CAMK4: variants seen among roughly 807,000 people sequenced by gnomAD.
The protein encoded by CAMK4 is calcium/calmodulin-dependent protein kinase type IV.
Under a neutral mutation model 44.9 loss-of-function variants are expected in CAMK4, and 22 were observed. The ratio of observed to expected loss-of-function variants is 0.49; its 90% CI spans 0.35 to 0.70. CAMK4 has a LOEUF of 0.70. Among genes scored for constraint, CAMK4 ranks in the 30% least tolerant of loss-of-function variants. The probability of loss-of-function intolerance (pLI) is 0.01; values close to 1 mark genes in which losing one functional copy is unlikely to be tolerated. For synonymous variants in CAMK4, 218 were observed against 215.4 expected, an observed-to-expected ratio of 1.01 and a Z score of -0.11; for missense variants, 498 against 586.8, an observed-to-expected ratio of 0.85 and a Z score of 1.56.
At chr5:111,247,843 AAAATTTACACATAAAACTAT>A (rs1236420206) in intron 1 of CAMK4, among the ~76,000 whole-genome samples, 17 of 152,212 alleles carry the variant, frequency 1.1e-4, no homozygotes, top group Admixed American at 1.0e-3. Flanking sequence ...ATAGTTTAGA[AAAATTTACACATAAAACTAT>A]CACAGATGTT....
intron 2 of CAMK4, among the ~76,000 whole-genome samples, chr5:111,344,651 G>A (rs1418000587): frequency 6.6e-6 from 1 of 151,706 alleles, no homozygotes; most frequent in African/African-American, 2.4e-5. Context: ...GACTGAACCT[G>A]CTCATCTAGA....
At chr5:111,258,346 A>T (rs1035660384) in intron 1 of CAMK4, among the ~76,000 whole-genome samples, 3 of 152,188 alleles carry the variant, frequency 2.0e-5, no homozygotes, top group African/African-American at 7.2e-5. Flanking sequence ...GCTGACTAAC[A>T]TACCTATTTG....
Position 111,443,849 on chromosome 5 carries a change from C to G in CAMK4, c.460-2837C>G, listed in dbSNP as rs116307280. ...GGAAAAATCAATATGTTCCGTTAGT[C>G]CCAAACTATGCAATTCTTAGATATG... On this transcript the variant is annotated intron_variant, in intron 5 of 10. Coordinates refer to ENST00000282356, the MANE Select transcript of CAMK4 (RefSeq NM_001744.6). Among the ~76,000 whole-genome samples, 1,101 of 152,234 alleles carry G rather than the reference C, an allele frequency of 7.2e-3. 8 individuals carry two copies. The highest frequency in any genetic ancestry group is 0.016 in the Admixed American group (249 of 15,290).
chr5:111,327,113 T>G (rs1748926727), intron 1 of CAMK4, among the ~76,000 whole-genome samples: 1 of 151,644 alleles, frequency 6.6e-6, no homozygotes, highest in African/African-American at 2.4e-5. Context: ...ACCCATTAAC[T>G]CGTCATTTAG....
Position 111,410,404 on chromosome 5 carries a change from C to T in CAMK4, c.459+15622C>T, listed in dbSNP as rs75944162. On this transcript the variant is annotated intron_variant, in intron 5 of 10. Transcript: ENST00000282356. ...ACTGCCCCCAAGATTCAATTATCTC[C>T]ACCTAGTCCCACCCCTGACACAAGG... 3.7e-3 allele frequency among the ~76,000 whole-genome samples: 561 copies of T among 152,228 alleles called. 2 individuals carry two copies. Among genetic ancestry groups the T allele is most frequent in the African/African-American group, 0.012 (497 of 41,532 alleles).
At chr5:111,470,608 G>A (rs1755030371) in intron 7 of CAMK4, among the ~76,000 whole-genome samples, 2 of 152,198 alleles carry the variant, frequency 1.3e-5, no homozygotes, top group Admixed American at 6.5e-5. Context: ...AGAACTGAGG[G>A]ATAACCATGT....
Position 111,374,831 on chromosome 5 carries a change from CTT to C in CAMK4, c.241-16_241-15del. On this transcript the variant is annotated splice_polypyrimidine_tract_variant and intron_variant, in intron 2 of 10. Transcript: ENST00000282356. The stretch of plus-strand genomic sequence containing the variant: ...GGGGGGAGTTTCTTTCAGTTTATCT[CTT>C]TTATTTTGCCTTTTAGGTGGACAAA... 1 of 1,553,344 alleles carries C rather than the reference CTT, an allele frequency of 6.4e-7. No individual in the cohort carries two copies. The highest frequency in any genetic ancestry group is 8.9e-7 in the Non-Finnish European group (1 of 1,125,710).
chr5:111,457,664 C>G (rs1235167465), intron 7 of CAMK4, among the ~76,000 whole-genome samples: 2 of 152,176 alleles, frequency 1.3e-5, no homozygotes, highest in African/African-American at 2.4e-5. Context: ...TACATTTTCT[C>G]TAACATGAAC....
At chr5:111,246,644 G>A (rs1749254040) in intron 1 of CAMK4, among the ~76,000 whole-genome samples, 1 of 152,092 alleles carries the variant, frequency 6.6e-6, no homozygotes, top group African/African-American at 2.4e-5. Flanking sequence ...TCATCATCCA[G>A]GACAGTAAGG....
At chr5:111,344,555 C>G (rs1251954305) in intron 2 of CAMK4, among the ~76,000 whole-genome samples, 1 of 151,772 alleles carries the variant, frequency 6.6e-6, no homozygotes, top group Middle Eastern at 3.2e-3. Flanking sequence ...TTAAAGGAGT[C>G]ATCAGATTCT....
chr5:111,328,242 T>C (rs530702388), intron 1 of CAMK4, among the ~76,000 whole-genome samples: 1 of 151,396 alleles, frequency 6.6e-6, no homozygotes, highest in Non-Finnish European at 1.5e-5. Context: ...TAGCCAGTTT[T>C]GCCAGCACCA....
chr5:111,429,776 T>C (rs1367772089), intron 5 of CAMK4, among the ~76,000 whole-genome samples: 1 of 4,708 alleles, frequency 2.1e-4, no homozygotes, highest in Non-Finnish European at 3.6e-4. Context: ...AGACCTCATC[T>C]CAAAAAAAAA....
At chr5:111,351,643 C>T (rs2112772158) in intron 2 of CAMK4, among the ~76,000 whole-genome samples, 1 of 151,420 alleles carries the variant, frequency 6.6e-6, no homozygotes, top group South Asian at 2.1e-4. Flanking sequence ...AACTCCTGAC[C>T]TCAGGTGATC....
At chr5:111,386,697 A>G (rs306110) in intron 4 of CAMK4, among the ~76,000 whole-genome samples, 140,888 of 152,336 alleles carry the variant, frequency 0.92, 65,291 homozygotes, top group East Asian at 1. Context: ...AAAACACACC[A>G]ACTGAGGAGA....
At chr5:111,483,356 T>A (rs573912125) in intron 10 of CAMK4, among the ~76,000 whole-genome samples, 67 of 152,230 alleles carry the variant, frequency 4.4e-4, no homozygotes, top group African/African-American at 1.4e-3. Context: ...TGACAAAAAT[T>A]TAAAAATTTA....
chr5:111,328,605 A>G (rs1464074567), intron 1 of CAMK4, among the ~76,000 whole-genome samples: 3 of 151,994 alleles, frequency 2.0e-5, no homozygotes, highest in African/African-American at 7.2e-5. Flanking sequence ...CTTGGGCAGT[A>G]TGGCCATTTT....
chr5:111,316,687 A>G (rs1748438266), intron 1 of CAMK4, among the ~76,000 whole-genome samples: 1 of 152,138 alleles, frequency 6.6e-6, no homozygotes, highest in Non-Finnish European at 1.5e-5. Context: ...CTTAGGTGAC[A>G]TTGTGGTTAT....
chr5:111,352,637 C>CAGAGAGAG (rs70973603), intron 2 of CAMK4, among the ~76,000 whole-genome samples: 34,970 of 108,548 alleles, frequency 0.32, 5,841 homozygotes, highest in Non-Finnish European at 0.36. Context: ...GGCAGAATAG[C>CAGAGAGAG]AGAGAGAGAG....
chr5:111,260,304 AT>A (rs557979480), intron 1 of CAMK4, among the ~76,000 whole-genome samples: 77 of 152,284 alleles, frequency 5.1e-4, no homozygotes, highest in Non-Finnish European at 9.4e-4. Flanking sequence ...ATTAGTCAAT[AT>A]CTTTCTGGCA....
Sources: gnomAD v4.1 joint callset for allele counts (sites outside exome capture counted in the v4.1 genomes callset) on GRCh38, gnomAD v4.1.1 for gene constraint, MANE v1.5 for transcripts, NCBI Gene and HGNC (gene_info 2026-07-23, HGNC 2026-07-21) for gene names.